Variants in FBXL7 observed in about 807,000 individuals in gnomAD.
The protein encoded by FBXL7 is F-box/LRR-repeat protein 7.
Under a neutral mutation model 38.3 loss-of-function variants are expected in FBXL7, and 12 were observed. The ratio of observed to expected loss-of-function variants is 0.31; its 90% CI spans 0.20 to 0.51. The LOEUF (loss-of-function observed/expected upper bound fraction) is 0.51. Among genes scored for constraint, FBXL7 ranks in the 20% least tolerant of loss-of-function variants. The pLI is 0.98. For missense variants in FBXL7, 567 were observed against 676.4 expected (o/e 0.84, Z 1.79); for synonymous variants, 297 against 300.9 (o/e 0.99, Z 0.13).
At chr5:15,844,131 G>A (rs1738828156) in intron 2 of FBXL7, among the ~76,000 whole-genome samples, 2 of 152,120 alleles carry the variant, frequency 1.3e-5, no homozygotes, top group Non-Finnish European at 2.9e-5. Flanking sequence ...CTAAGAAGGT[G>A]GGAAATTTGG....
chr5:15,937,330 C>G lies in FBXL7; in HGVS notation c.*144C>G. The stretch of plus-strand genomic sequence containing the variant: ...ATTAGGAATCTGGCCTTTATTTTTC[C>G]TCATTTCTCATGGGCAACAGAGGCC... On this transcript the variant is annotated 3_prime_UTR_variant, in exon 4 of 4. Coordinates refer to ENST00000504595, the MANE Select transcript of FBXL7 (RefSeq NM_012304.5). 1.9e-6 allele frequency: 2 copies of G among 1,039,248 alleles called. No homozygotes were observed. The highest frequency in any genetic ancestry group is 2.7e-6 in the Non-Finnish European group (2 of 743,104). The allele number at this position is 1,039,248 out of a possible 1,614,324, so 64.4% of individuals were successfully genotyped here.
chr5:15,627,418 G>A (rs987772021), intron 2 of FBXL7, among the ~76,000 whole-genome samples: 1 of 152,184 alleles, frequency 6.6e-6, no homozygotes, highest in Non-Finnish European at 1.5e-5. Flanking sequence ...GTTAGGGTGT[G>A]AAGAGCTGGG....
intron 2 of FBXL7, among the ~76,000 whole-genome samples, chr5:15,824,438 CCAA>C (rs1222920751): frequency 1.8e-4 from 27 of 152,170 alleles, no homozygotes; most frequent in South Asian, 1.7e-3. Context: ...GTCTGTGATG[CCAA>C]CGTTTTTGTT....
intron 1 of FBXL7, among the ~76,000 whole-genome samples, chr5:15,605,836 G>A (rs1739990514): frequency 2.0e-5 from 3 of 152,158 alleles, no homozygotes. Context: ...ATTTGGCAAT[G>A]GCGCAAATGC....
rs142299304 is a variant in FBXL7, at chr5:15,704,965, G to A, written c.127+88893G>A. Among the ~76,000 whole-genome samples, 440 of 87,888 alleles carry A rather than the reference G, an allele frequency of 5.0e-3. 3 individuals are homozygous for A. Among genetic ancestry groups the A allele is most frequent in the African/African-American group, 0.016 (424 of 26,690 alleles). 57.7% of individuals were successfully genotyped at this position (87,888 alleles called of 152,430 possible). ...TCATTTAGATTGGTAACATGGGCTA[G>A]GTAAAAAAAAAAAAATTAAATATAT... On this transcript the variant is annotated intron_variant, in intron 2 of 3. Coordinates refer to ENST00000504595, the MANE Select transcript of FBXL7 (RefSeq NM_012304.5).
At chr5:15,564,481 T>A (rs893504026) in intron 1 of FBXL7, among the ~76,000 whole-genome samples, 1 of 151,694 alleles carries the variant, frequency 6.6e-6, no homozygotes, top group African/African-American at 2.4e-5. Context: ...TAAAACTAAA[T>A]GGCAGTGTTC....
intron 1 of FBXL7, among the ~76,000 whole-genome samples, chr5:15,608,218 G>C (rs1212282845): frequency 6.6e-6 from 1 of 152,134 alleles, no homozygotes; most frequent in African/African-American, 2.4e-5. Context: ...GGTTCTCACA[G>C]GCATTGGTCA....
chr5:15,748,819 T>C (rs369621607), intron 2 of FBXL7, among the ~76,000 whole-genome samples: 64 of 152,280 alleles, frequency 4.2e-4, no homozygotes, highest in African/African-American at 1.5e-3. Flanking sequence ...ATTCCCACTT[T>C]AGCCTCCCAA....
chr5:15,875,995 A>G (rs1350379456), intron 2 of FBXL7, among the ~76,000 whole-genome samples: 1 of 152,200 alleles, frequency 6.6e-6, no homozygotes, highest in East Asian at 1.9e-4. Context: ...AAGACTTGGA[A>G]CCAACCCAGA....
chr5:15,936,615 A>G lies in FBXL7; in HGVS notation c.905A>G (p.His302Arg). The G allele has an allele frequency of 6.2e-7, 1 of 1,610,084 alleles. No individual in the cohort carries two copies. Among genetic ancestry groups the G allele is most frequent in the Non-Finnish European group, 8.5e-7 (1 of 1,179,782 alleles). ...TIAAHCTQLT[H>R]LYLRRCVRLT... The stretch of plus-strand genomic sequence containing the variant: ...GCGGCGCACTGCACGCAGCTCACCC[A>G]CCTCTACCTGCGCCGCTGCGTCCGC... The change falls in exon 4 of 4, where the codon CAC becomes CGC. Residue 302 changes from histidine to arginine, a missense_variant. Coordinates refer to ENST00000504595, the MANE Select transcript of FBXL7 (RefSeq NM_012304.5). The surrounding 1 kb of genome is among the most constrained non-coding windows in gnomAD (Gnocchi z 6.0).
At chr5:15,746,819 A>C (rs1216380171) in intron 2 of FBXL7, among the ~76,000 whole-genome samples, 1 of 152,170 alleles carries the variant, frequency 6.6e-6, no homozygotes, top group African/African-American at 2.4e-5. Flanking sequence ...ATACAATAAA[A>C]ATAAATCTAA....
intron 2 of FBXL7, among the ~76,000 whole-genome samples, chr5:15,865,337 T>G (rs1006401950): frequency 2.0e-5 from 3 of 152,170 alleles, no homozygotes; most frequent in Non-Finnish European, 4.4e-5. Flanking sequence ...TGAGACTGAT[T>G]AGATCCTGGT....
At chr5:15,607,398 G>A (rs1452612563) in intron 1 of FBXL7, 3 of 152,162 alleles carry the variant, frequency 2.0e-5, no homozygotes, top group Non-Finnish European at 4.4e-5. Context: ...AGACTCTTAA[G>A]AGTGTTGGTA....
chr5:15,810,009 A>G (rs1235691524), intron 2 of FBXL7, among the ~76,000 whole-genome samples: 1 of 152,198 alleles, frequency 6.6e-6, no homozygotes, highest in African/African-American at 2.4e-5. Context: ...ATTTTGCTCA[A>G]TATTTCAGCA....
At chr5:15,529,719 A>G (rs1737365601) in intron 1 of FBXL7, among the ~76,000 whole-genome samples, 1 of 152,208 alleles carries the variant, frequency 6.6e-6, no homozygotes, top group African/African-American at 2.4e-5. Context: ...TTAAAGGCAT[A>G]GTTGCAAGAA....
intron 2 of FBXL7, among the ~76,000 whole-genome samples, chr5:15,735,519 T>C (rs969106111): frequency 3.9e-5 from 6 of 152,150 alleles, no homozygotes; most frequent in Non-Finnish European, 5.9e-5. Context: ...AACTGAAATA[T>C]TTTTGACTAG....
At chr5:15,610,250 T>C (rs1740186095) in intron 1 of FBXL7, among the ~76,000 whole-genome samples, 1 of 152,120 alleles carries the variant, frequency 6.6e-6, no homozygotes, top group African/African-American at 2.4e-5. Context: ...CACCCTCTTT[T>C]TTCTCAGAAG....
At chr5:15,585,745 A>G (rs1353257217) in intron 1 of FBXL7, among the ~76,000 whole-genome samples, 1 of 152,206 alleles carries the variant, frequency 6.6e-6, no homozygotes, top group African/African-American at 2.4e-5. Flanking sequence ...TAAAAGTGAT[A>G]TAGTTTTATG....
At chr5:15,625,098 A>G (rs889190689) in intron 2 of FBXL7, among the ~76,000 whole-genome samples, 1 of 152,084 alleles carries the variant, frequency 6.6e-6, no homozygotes, top group African/African-American at 2.4e-5. Context: ...TCTTTTCTTT[A>G]TAAATTACCT....
Sources: allele counts gnomAD v4.1 joint callset (sites outside exome capture counted in the v4.1 genomes callset), GRCh38; gene constraint gnomAD v4.1.1; non-coding constraint Gnocchi (gnomAD v3.1); transcripts MANE v1.5; gene names NCBI Gene and HGNC (gene_info 2026-07-23, HGNC 2026-07-21).